DEF8: variants seen among roughly 807,000 people sequenced by gnomAD.
The protein encoded by DEF8 is DEF-8.
DEF8 carries 38 observed loss-of-function variants against 59.1 expected under a neutral mutation model. That is an observed-to-expected ratio of 0.64 (90% confidence interval 0.50 to 0.84). DEF8 has a LOEUF of 0.84. DEF8 is among the 40% of genes least tolerant of loss of function. The pLI is 0.00. For synonymous variants in DEF8, 265 were observed against 250.1 expected, an observed-to-expected ratio of 1.06 and a Z score of -0.56; for missense variants, 557 against 615.2, an observed-to-expected ratio of 0.91 and a Z score of 1.00.
At chr16:89,961,631 A>G (rs1294781821) in intron 7 of DEF8, 106 bp from the exon 8 acceptor site, 5 of 1,423,740 alleles carry the variant, frequency 3.5e-6, no homozygotes, top group Non-Finnish European at 3.9e-6. Context: ...ACATGTTCCC[A>G]TGTCTCCCCG....
Position 89,954,502 on chromosome 16 carries a change from G to C in DEF8, c.124+126G>C. ...CCCACGGAGCCGGCACCTGCTGGCT[G>C]TGTTCTTTTTCCCATCTCTTCTGTG... On this transcript the variant is annotated intron_variant, in intron 3 of 12. Coordinates refer to ENST00000563594, the MANE Select transcript of DEF8 (RefSeq NM_001242818.2). The surrounding 1 kb of genome is among the most constrained non-coding windows in gnomAD (Gnocchi z 4.3). 8.5e-6 allele frequency: 9 copies of C among 1,060,994 alleles called. No individual in the cohort carries two copies. The highest frequency in any genetic ancestry group is 5.0e-5 in the East Asian group (2 of 40,100). The allele number at this position is 1,060,994 out of a possible 1,614,324, so 65.7% of individuals were successfully genotyped here.
chr16:89,949,290 T>G, intron 1 of DEF8, 127 bp from the exon 2 acceptor site: 1 of 787,854 alleles, frequency 1.3e-6, no homozygotes, highest in Non-Finnish European at 1.9e-6. Context: ...GCTCCGAGCC[T>G]CAGTTTCCCC....
intron 4 of DEF8, chr16:89,956,855 C>G (rs2033284381): frequency 6.6e-6 from 1 of 152,188 alleles, no homozygotes; most frequent in Non-Finnish European, 1.5e-5. Context: ...GGGCCACAGG[C>G]TGAGCTGCAA....
Position 89,963,413 on chromosome 16 carries a change from G to A in DEF8, c.972G>A (p.Arg324=). 6.2e-7 allele frequency: 1 copy of A among 1,613,882 alleles called. No homozygotes were observed. Among genetic ancestry groups the A allele is most frequent in the Non-Finnish European group, 8.5e-7 (1 of 1,179,874 alleles). ...TGAAGCCGTACTTCATCACCTGCAG[G>A]GAGGCCATGGAGGCTCGTCTGCTGC... The part of the protein sequence containing the change: ...LLMKPYFITC[R]EAMEARLLLQ... The change falls in exon 10 of 13, where the codon AGG becomes AGA. Residue 324 remains arginine, a synonymous_variant. Transcript: ENST00000563594.
At chr16:89,952,346 T>G (rs986869552) in intron 2 of DEF8, among the ~76,000 whole-genome samples, 19 of 152,186 alleles carry the variant, frequency 1.2e-4, no homozygotes, top group African/African-American at 4.6e-4. Context: ...GGTTCTCCCT[T>G]TTCTTGCCTA....
Position 89,955,254 on chromosome 16 carries a change from C to A in DEF8, c.210C>A (p.Phe70Leu). The A allele has an allele frequency of 6.2e-7, 1 of 1,613,490 alleles. No individual in the cohort carries two copies. Among genetic ancestry groups the A allele is most frequent in the African/African-American group, 1.3e-5 (1 of 74,958 alleles). ...ATCTCGGCCTGTCTGAGGACCACTT[C>A]TCCCGCCCTGTGGTAAGGTTTTAGA... is the stretch of plus-strand genomic sequence containing the variant. ...VMDLGLSEDHFSRPVGLFLAS... is the reference protein window; with the variant it reads ...VMDLGLSEDHLSRPVGLFLAS... Residue 70 changes from phenylalanine (F) to leucine (L), a missense_variant, in exon 4 of 13, where the codon TTC (phenylalanine) becomes TTA (leucine). Transcript: ENST00000563594.
rs1380363050 is a variant in DEF8, at chr16:89,961,729, C to T, written c.680-8C>T. 4 of 1,612,978 alleles carry T rather than the reference C, an allele frequency of 2.5e-6. No individual in the cohort carries two copies. The highest frequency in any genetic ancestry group is 1.7e-5 in the Admixed American group (1 of 60,008). On this transcript the variant is annotated splice_polypyrimidine_tract_variant and splice_region_variant and intron_variant, in intron 7 of 12. Coordinates refer to ENST00000563594, the MANE Select transcript of DEF8 (RefSeq NM_001242818.2). ...GCAGGGACACTCAGGGCCCCTCTGA[C>T]CCTGCAGGGGGTGTGCCCAGTGAGG...
intron 10 of DEF8, chr16:89,963,777 G>A: frequency 2.0e-6 from 1 of 492,338 alleles, no homozygotes; most frequent in East Asian, 3.7e-5. Flanking sequence ...CTGGAACAGT[G>A]AACGAAACAG....
chr16:89,951,881 ATT>A (rs111421479), intron 2 of DEF8, among the ~76,000 whole-genome samples: 17 of 146,802 alleles, frequency 1.2e-4, no homozygotes, highest in African/African-American at 2.8e-4. Flanking sequence ...TGTAAAAAAG[ATT>A]TTTTTTTTTT....
chr16:89,964,915 A>T (rs2151223086), intron 12 of DEF8, among the ~76,000 whole-genome samples: 1 of 152,178 alleles, frequency 6.6e-6, no homozygotes. Context: ...GATTGAAGTC[A>T]CTCTTTCAGG....
At chr16:89,953,559 T>A (rs1179894102) in intron 2 of DEF8, among the ~76,000 whole-genome samples, 4 of 152,138 alleles carry the variant, frequency 2.6e-5, no homozygotes, top group Non-Finnish European at 5.9e-5. Context: ...CATCACAGGA[T>A]CAGAACCCAG....
intron 12 of DEF8, 64 bp from the exon 13 acceptor site, chr16:89,965,797 C>A: frequency 9.1e-7 from 1 of 1,101,730 alleles, no homozygotes; most frequent in Non-Finnish European, 1.3e-6. Flanking sequence ...TGACCTAGGA[C>A]GCTTGGGGGG....
At position 89,967,676 on chromosome 16, in the gene DEF8, G is replaced by A. The variant is rs1281683966; in HGVS notation, c.*1713G>A. Reference sequence around the variant, plus strand: ...TCCCAACACCCCAAAGTCTGCACACGTCTCATGAATGCATCACATTTCTGT... The same window carrying A: ...TCCCAACACCCCAAAGTCTGCACACATCTCATGAATGCATCACATTTCTGT... On this transcript the variant is annotated 3_prime_UTR_variant, in exon 13 of 13. Transcript: ENST00000563594. The A allele has an allele frequency of 3.6e-5, 14 of 394,260 alleles. No individual in the cohort carries two copies. The highest frequency in any genetic ancestry group is 2.2e-4 in the East Asian group (6 of 27,810). 24.4% of individuals were successfully genotyped at this position (394,260 alleles called of 1,614,324 possible).
In DEF8 at chr16:89,963,374, G is replaced by A. The variant is rs372723862; in HGVS notation, c.933G>A (p.Gln311=). 7 of 1,613,624 alleles carry A rather than the reference G, an allele frequency of 4.3e-6. No homozygotes were observed. Among genetic ancestry groups the A allele is most frequent in the South Asian group, 1.1e-5 (1 of 91,060 alleles). ...CGCCTTGTTTGCAGAAGCTGCGCCAGGACATCCTGCTCATGAAGCCGTACT... is the reference window on the plus strand; with the variant it reads ...CGCCTTGTTTGCAGAAGCTGCGCCAAGACATCCTGCTCATGAAGCCGTACT... The part of the protein sequence containing the change: ...EELVEIRKLR[Q]DILLMKPYFI... Residue 311 remains glutamine (Q), a synonymous_variant, in exon 10 of 13, where the codon CAG becomes CAA. Coordinates refer to ENST00000563594, the MANE Select transcript of DEF8 (RefSeq NM_001242818.2).
At chr16:89,953,653 G>C (rs1360361775) in intron 2 of DEF8, among the ~76,000 whole-genome samples, 1 of 152,204 alleles carries the variant, frequency 6.6e-6, no homozygotes, top group African/African-American at 2.4e-5. Context: ...CCTGGGCATG[G>C]GGAAGGTGGG....
chr16:89,949,734 G>C, intron 2 of DEF8: 2 of 1,222,284 alleles, frequency 1.6e-6, no homozygotes, highest in African/African-American at 1.5e-5. Flanking sequence ...TTGCTAAGTT[G>C]TGGGGTCCTC....
chr16:89,962,298 A>G (rs2034125912), intron 9 of DEF8, among the ~76,000 whole-genome samples, 173 bp downstream of exon 9: 1 of 152,186 alleles, frequency 6.6e-6, no homozygotes, highest in Non-Finnish European at 1.5e-5. Flanking sequence ...AAGGTGCTGG[A>G]GCGGTGTCCC....
In DEF8 at chr16:89,964,461, C is replaced by T; in HGVS notation, c.1144-5C>T. 6.3e-7 allele frequency: 1 copy of T among 1,583,878 alleles called. No homozygotes were observed. The highest frequency in any genetic ancestry group is 1.2e-5 in the South Asian group (1 of 86,894). On this transcript the variant is annotated splice_region_variant and splice_polypyrimidine_tract_variant and intron_variant, in intron 11 of 12. Coordinates refer to ENST00000563594, the MANE Select transcript of DEF8 (RefSeq NM_001242818.2). ...CGTGCCCCAACCCCACACTGTTCCC[C>T]CCAGCGGTGCCAGGCCAAGGGCTTC... is the stretch of plus-strand genomic sequence containing the variant.
intron 2 of DEF8, among the ~76,000 whole-genome samples, chr16:89,953,982 T>G (rs1296480103): frequency 6.6e-6 from 1 of 152,180 alleles, no homozygotes. Flanking sequence ...GCCCCTCAGA[T>G]GGGCCACGTG....
Sources: gnomAD v4.1 joint callset for allele counts (sites outside exome capture counted in the v4.1 genomes callset) on GRCh38, gnomAD v4.1.1 for gene constraint, Gnocchi (gnomAD v3.1) non-coding constraint, MANE v1.5 for transcripts, NCBI Gene and HGNC (gene_info 2026-07-23, HGNC 2026-07-21) for gene names.